CRYBG1: variants seen among roughly 807,000 people sequenced by gnomAD.
CRYBG1 encodes beta/gamma crystallin domain-containing protein 1.
In CRYBG1, 139 loss-of-function variants were observed where a neutral mutation model predicts 189.2. The observed-to-expected ratio is 0.73, with a 90% confidence interval of 0.64 to 0.85. CRYBG1 has a LOEUF of 0.85. Among genes scored for constraint, CRYBG1 ranks in the 40% least tolerant of loss-of-function variants. The pLI, the probability that CRYBG1 is intolerant of heterozygous loss-of-function variation, is 0.00. For missense variants in CRYBG1, 2,611 were observed against 2,675.8 expected, an observed-to-expected ratio of 0.98 and a Z score of 0.53; for synonymous variants, 1,023 against 1,017.1, an observed-to-expected ratio of 1.01 and a Z score of -0.11.
intron 1 of CRYBG1, among the ~76,000 whole-genome samples, chr6:106,377,069 C>T (rs1329149839): frequency 6.6e-6 from 1 of 152,160 alleles, no homozygotes; most frequent in Non-Finnish European, 1.5e-5. Context: ...CCTTCCCTGC[C>T]AAATGTTTCC....
chr6:106,434,517 A>G (rs1238392487), intron 1 of CRYBG1, among the ~76,000 whole-genome samples: 1 of 152,238 alleles, frequency 6.6e-6, no homozygotes, highest in Non-Finnish European at 1.5e-5. Context: ...TTCCTCTTCA[A>G]TGAAGGTTAT....
chr6:106,454,345 A>C (rs918169904), intron 2 of CRYBG1, among the ~76,000 whole-genome samples: 2 of 152,124 alleles, frequency 1.3e-5, no homozygotes, highest in African/African-American at 4.8e-5. Flanking sequence ...TCAGAAGTGC[A>C]AGACCCCACC....
rs144593350 is a variant in CRYBG1, at chr6:106,544,567, G to A, written c.5040-4G>A. On this transcript the variant is annotated splice_polypyrimidine_tract_variant and splice_region_variant and intron_variant, in intron 11 of 21. Coordinates refer to ENST00000633556, the MANE Select transcript of CRYBG1 (RefSeq NM_001371242.2). The stretch of plus-strand genomic sequence containing the variant: ...GACTACTCCTCGTGTTCTTTATGTT[G>A]CAGTTGGGTTGCATATGAGAAACCT... 85 of 1,612,980 alleles carry A rather than the reference G, an allele frequency of 5.3e-5. No individual in the cohort carries two copies. The African/African-American group carries it at 9.5e-4, about 18-fold the overall frequency.
intron 2 of CRYBG1, among the ~76,000 whole-genome samples, chr6:106,507,271 G>A (rs891457118): frequency 2.6e-5 from 4 of 152,220 alleles, no homozygotes; most frequent in Non-Finnish European, 4.4e-5. Context: ...GTCCTGTTGT[G>A]GACTGCTCCG....
At chr6:106,568,395 G>A in intron 21 of CRYBG1, 77 bp from the exon 22 acceptor site, 9 of 1,130,702 alleles carry the variant, frequency 8.0e-6, no homozygotes, top group Non-Finnish European at 1.2e-5. Context: ...TTGCTGTACT[G>A]GTGTTAGGGG....
intron 1 of CRYBG1, among the ~76,000 whole-genome samples, chr6:106,369,876 A>G (rs1360363906): frequency 6.6e-6 from 1 of 152,228 alleles, no homozygotes; most frequent in Admixed American, 6.5e-5. Flanking sequence ...ACAGAGGGGT[A>G]TGATTATTTG....
chr6:106,453,490 T>C (rs1175323054), intron 2 of CRYBG1, among the ~76,000 whole-genome samples: 1 of 152,220 alleles, frequency 6.6e-6, no homozygotes, highest in African/African-American at 2.4e-5. Flanking sequence ...TTTCTCTTTA[T>C]AAGAAATAAT....
chr6:106,482,829 A>G (rs956229421), intron 2 of CRYBG1, among the ~76,000 whole-genome samples: 2 of 151,258 alleles, frequency 1.3e-5, no homozygotes, highest in African/African-American at 4.8e-5. Flanking sequence ...TCCTACCACA[A>G]ATATTTTTGG....
At chr6:106,424,815 C>G (rs1342677265) in intron 1 of CRYBG1, among the ~76,000 whole-genome samples, 2 of 152,142 alleles carry the variant, frequency 1.3e-5, no homozygotes, top group Non-Finnish European at 2.9e-5. Context: ...TCCTGTCTGC[C>G]CGTCACCACA....
In CRYBG1 at chr6:106,513,823, T is replaced by A. The variant is rs146752543; in HGVS notation, c.1922+784T>A. ...TTTATGTATCTTGGTTGCTTCTTCC[T>A]CCTTGTGCTGCATGAAAGCACAAAA... On this transcript the variant is annotated intron_variant, in intron 3 of 21. Coordinates refer to ENST00000633556, the MANE Select transcript of CRYBG1 (RefSeq NM_001371242.2). 3.2e-3 allele frequency among the ~76,000 whole-genome samples: 486 copies of A among 152,358 alleles called. 5 individuals are homozygous for A. Among genetic ancestry groups the A allele is most frequent in the African/African-American group, 0.011 (464 of 41,580 alleles).
In CRYBG1 at chr6:106,512,649, C is replaced by T. The variant is rs766152508; in HGVS notation, c.1532C>T (p.Ser511Phe). ...DRSKQPPPAS[S>F]PTKRKGRSRA... ...AGCAAACAGCCACCCCCGGCTTCGT[C>T]CCCCACGAAGAGGAAGGGCAGGAGC... Residue 511 changes from serine (S) to phenylalanine (F), a missense_variant, in exon 3 of 22, where the codon TCC becomes TTC. Transcript: ENST00000633556. The T allele has an allele frequency of 8.2e-6, 13 of 1,585,098 alleles. No individual in the cohort carries two copies. The highest frequency in any genetic ancestry group is 1.3e-5 in the African/African-American group (1 of 74,660).
At chr6:106,393,948 C>G (rs1162600992) in intron 1 of CRYBG1, among the ~76,000 whole-genome samples, 1 of 152,206 alleles carries the variant, frequency 6.6e-6, no homozygotes, top group Non-Finnish European at 1.5e-5. Context: ...GCTGGGATTA[C>G]AGGTGTGAGC....
At position 106,512,371 on chromosome 6, in the gene CRYBG1, G is replaced by A. The variant is rs773415153; in HGVS notation, c.1254G>A (p.Ser418=). 6 of 1,611,372 alleles carry A rather than the reference G, an allele frequency of 3.7e-6. No individual in the cohort carries two copies. Among genetic ancestry groups the A allele is most frequent in the South Asian group, 3.3e-5 (3 of 90,688 alleles). ...DMEKRSSGRR[S]GRRRGSQKST... is the part of the protein sequence containing the mutation. ...AGAAGAGGTCCAGCGGCCGTAGGTC[G>A]GGGAGGCGGAGGGGGTCGCAGAAAT... is the stretch of plus-strand genomic sequence containing the variant. Residue 418 remains serine, a synonymous_variant, in exon 3 of 22, where the codon TCG becomes TCA. Transcript: ENST00000633556.
At chr6:106,527,237 G>A in intron 6 of CRYBG1, 68 bp from the exon 7 acceptor site, 1 of 1,395,688 alleles carries the variant, frequency 7.2e-7, no homozygotes, top group Non-Finnish European at 9.7e-7. Flanking sequence ...CAATTAGCCA[G>A]GTTATTTGAG....
chr6:106,493,678 G>A (rs60357036), intron 2 of CRYBG1, among the ~76,000 whole-genome samples: 13,213 of 152,216 alleles, frequency 0.087, 630 homozygotes, highest in African/African-American at 0.11. Flanking sequence ...GGATAGAGCT[G>A]GAAGCCATTA....
chr6:106,530,197 G>A lies in CRYBG1; in HGVS notation c.4600G>A (p.Asp1534Asn). 6.2e-7 allele frequency: 1 copy of A among 1,611,756 alleles called. No homozygotes were observed. Among genetic ancestry groups the A allele is most frequent in the Non-Finnish European group, 8.5e-7 (1 of 1,178,912 alleles). Residue 1534 changes from aspartate to asparagine, a missense_variant, in exon 8 of 22, where the codon GAC (aspartate) becomes AAC (asparagine). Physicochemically the swap from Asp to Asn is conservative, Grantham distance 23. This residue lies in a region of CRYBG1 where 1,622 missense variants were observed against 1,735.0 expected (regional missense o/e 0.93). Transcript: ENST00000633556. ...VVQDYRVSHI[D>N]LFTEPEGLGI... The stretch of plus-strand genomic sequence containing the variant: ...TCAGGATTACAGAGTTAGTCACATT[G>A]ACTTATTTACTGAACCAGAAGGGTT...
chr6:106,417,378 G>A (rs1398583457), intron 1 of CRYBG1, among the ~76,000 whole-genome samples: 1 of 152,006 alleles, frequency 6.6e-6, no homozygotes, highest in Non-Finnish European at 1.5e-5. Flanking sequence ...TGAGGGTGAA[G>A]GCTGTATTAC....
At position 106,543,478 on chromosome 6, in the gene CRYBG1, T is replaced by C. The variant is rs1774185997; in HGVS notation, c.4920T>C (p.Cys1640=). Residue 1640 remains cysteine (C), a synonymous_variant, in exon 11 of 22, where the codon TGT becomes TGC. Coordinates refer to ENST00000633556, the MANE Select transcript of CRYBG1 (RefSeq NM_001371242.2). The part of the protein sequence containing the change: ...VYEKPFFEGK[C]VELETGMCSF... The stretch of plus-strand genomic sequence containing the variant: ...AAAAGCCTTTCTTTGAAGGAAAATG[T>C]GTGGAACTAGAAACAGGAATGTGTA... 1.9e-6 allele frequency: 3 copies of C among 1,613,814 alleles called. No individual in the cohort carries two copies. Among genetic ancestry groups the C allele is most frequent in the South Asian group, 1.1e-5 (1 of 91,088 alleles).
At chr6:106,507,963 G>A (rs783409) in intron 2 of CRYBG1, among the ~76,000 whole-genome samples, 21,770 of 152,178 alleles carry the variant, frequency 0.14, 2,361 homozygotes, top group African/African-American at 0.31. Flanking sequence ...ACTGCATAAC[G>A]TGGCTGGGTA....
Sources: allele counts gnomAD v4.1 joint callset (sites outside exome capture counted in the v4.1 genomes callset), GRCh38; gene constraint gnomAD v4.1.1; regional missense constraint gnomAD v4.1.1; transcripts MANE v1.5; gene names NCBI Gene and HGNC (gene_info 2026-07-23, HGNC 2026-07-21).